NPEPPS: variants seen among roughly 807,000 people sequenced by gnomAD.
NPEPPS encodes puromycin-sensitive aminopeptidase.
Under a neutral mutation model 115.5 loss-of-function variants are expected in NPEPPS, and 14 were observed. The observed-to-expected ratio is 0.12, with a 90% CI of 0.08 to 0.19. NPEPPS has a LOEUF of 0.19. Ranked by LOEUF, NPEPPS falls within the 10% of genes least tolerant of loss-of-function variation. The pLI is 1.00. For missense variants in NPEPPS, 523 were observed against 1,110.8 expected (o/e 0.47, Z 7.52); for synonymous variants, 285 against 390.6 (o/e 0.73, Z 3.19).
Position 47,531,187 on chromosome 17 carries a change from C to T in NPEPPS, c.-114C>T, listed in dbSNP as rs1251862423. The T allele has an allele frequency of 2.2e-6, 3 of 1,388,450 alleles. No homozygotes were observed. The highest frequency in any genetic ancestry group is 3.1e-5 in the Admixed American group (1 of 32,246). The allele number at this position is 1,388,450 out of a possible 1,614,324, so 86.0% of individuals were successfully genotyped here. Reference sequence around the variant, plus strand: ...CCCCCTTCCCCGTAGGCAGCCCGCCCGCCAGTCCGCCCGCACCGCCTCCTT... The same window carrying T: ...CCCCCTTCCCCGTAGGCAGCCCGCCTGCCAGTCCGCCCGCACCGCCTCCTT... On this transcript the variant is annotated 5_prime_UTR_variant, in exon 1 of 23. Coordinates refer to ENST00000322157, the MANE Select transcript of NPEPPS (RefSeq NM_006310.4).
upstream of NPEPPS, among the ~76,000 whole-genome samples, chr17:47,527,553 G>A (rs1170459299): frequency 1.3e-5 from 2 of 151,396 alleles, no homozygotes; most frequent in Non-Finnish European, 2.9e-5. Context: ...TTCAATTACA[G>A]TTAATTAAAT....
At chr17:47,598,881 G>T (rs1379597099) in intron 13 of NPEPPS, among the ~76,000 whole-genome samples, 1 of 152,114 alleles carries the variant, frequency 6.6e-6, no homozygotes, top group Non-Finnish European at 1.5e-5. Context: ...TGGTGCAGTG[G>T]CTCAAACTTA....
chr17:47,605,270 G>C, intron 16 of NPEPPS, 63 bp from the exon 17 acceptor site: 2 of 1,230,080 alleles, frequency 1.6e-6, no homozygotes, highest in South Asian at 2.9e-5. Context: ...TGCCAAAAAT[G>C]CATGCTTATG....
intron 1 of NPEPPS, among the ~76,000 whole-genome samples, chr17:47,540,544 C>A (rs1429675848): frequency 2.0e-5 from 3 of 152,218 alleles, no homozygotes; most frequent in Non-Finnish European, 2.9e-5. Flanking sequence ...TCAGCACATA[C>A]ACTTATGTCC....
intron 1 of NPEPPS, among the ~76,000 whole-genome samples, chr17:47,543,213 A>G (rs1000163592): frequency 2.6e-5 from 4 of 151,920 alleles, no homozygotes; most frequent in African/African-American, 9.7e-5. Context: ...GAAAAACTTA[A>G]TGGCGCGCAC....
At chr17:47,604,324 T>G (rs975948180) in intron 16 of NPEPPS, among the ~76,000 whole-genome samples, 2 of 152,212 alleles carry the variant, frequency 1.3e-5, no homozygotes, top group Non-Finnish European at 2.9e-5. Flanking sequence ...GAAATAAATA[T>G]AAGCCTTGAA....
chr17:47,603,808 T>C, intron 15 of NPEPPS, 107 bp from the exon 16 acceptor site: 1 of 1,028,990 alleles, frequency 9.7e-7, no homozygotes, highest in Non-Finnish European at 1.4e-6. Flanking sequence ...GTCTTAATTG[T>C]TTTTCATCCA....
intron 22 of NPEPPS, 24 bp downstream of exon 22, chr17:47,619,808 TC>T (rs1448054397): frequency 6.3e-7 from 1 of 1,576,826 alleles, no homozygotes; most frequent in Non-Finnish European, 8.7e-7. Flanking sequence ...TGTTTACTCT[TC>T]ACTTTTCAGT....
chr17:47,594,412 CTT>C (rs112592322), intron 12 of NPEPPS, among the ~76,000 whole-genome samples: 83 of 127,954 alleles, frequency 6.5e-4, no homozygotes, highest in East Asian at 8.9e-4. Flanking sequence ...CTTTTCAATT[CTT>C]TTTTTTTTTT....
intron 2 of NPEPPS, among the ~76,000 whole-genome samples, chr17:47,558,969 C>T (rs1197873053): frequency 6.6e-6 from 1 of 150,724 alleles, no homozygotes; most frequent in Non-Finnish European, 1.5e-5. Flanking sequence ...GGGAGGCGGA[C>T]GGAGGTTGCA....
chr17:47,601,511 T>G (rs1913197959), intron 14 of NPEPPS, 97 bp from the exon 15 acceptor site: 1 of 1,322,676 alleles, frequency 7.6e-7, no homozygotes, highest in Non-Finnish European at 1.1e-6. Flanking sequence ...GACTTAACAG[T>G]TTGGCTTAGG....
intron 1 of NPEPPS, among the ~76,000 whole-genome samples, chr17:47,541,192 T>A (rs1322875451): frequency 8.5e-5 from 13 of 152,272 alleles, no homozygotes; most frequent in Admixed American, 3.3e-4. Flanking sequence ...GATTAACTGC[T>A]TGGCTACTGT....
At chr17:47,536,873 A>G (rs888249076) in intron 1 of NPEPPS, among the ~76,000 whole-genome samples, 4 of 151,646 alleles carry the variant, frequency 2.6e-5, no homozygotes, top group African/African-American at 9.7e-5. Context: ...CACCAAGCCC[A>G]GCTAATTTTT....
chr17:47,599,603 C>A, intron 13 of NPEPPS, 73 bp from the exon 14 acceptor site: 1 of 1,172,560 alleles, frequency 8.5e-7, no homozygotes. Context: ...TGTTGTCTCC[C>A]TCCTCTTCAA....
intron 9 of NPEPPS, among the ~76,000 whole-genome samples, 163 bp from the exon 10 acceptor site, chr17:47,590,550 TTCTC>T (rs1258380482): frequency 1.3e-5 from 2 of 152,320 alleles, no homozygotes; most frequent in East Asian, 1.9e-4. Context: ...TCTTTTAGTC[TTCTC>T]TCTTTTTCAG....
intron 19 of NPEPPS, 30 bp from the exon 20 acceptor site, chr17:47,618,320 C>T: frequency 2.1e-6 from 3 of 1,444,350 alleles, no homozygotes; most frequent in Admixed American, 1.7e-5. Context: ...GGAGAGTTAA[C>T]TATTCCTATC....
chr17:47,613,797 G>A, intron 19 of NPEPPS, 72 bp downstream of exon 19: 1 of 1,111,560 alleles, frequency 9.0e-7, no homozygotes, highest in Non-Finnish European at 1.3e-6. Flanking sequence ...CCTCTAAATG[G>A]TTAAAAAAAA....
intron 3 of NPEPPS, among the ~76,000 whole-genome samples, chr17:47,571,868 G>A (rs1055910324): frequency 6.6e-6 from 1 of 152,152 alleles, no homozygotes; most frequent in African/African-American, 2.4e-5. Flanking sequence ...ATAAATTTAT[G>A]TATATAATTT....
intron 3 of NPEPPS, chr17:47,577,154 TA>T: frequency 6.5e-6 from 4 of 612,050 alleles, no homozygotes; most frequent in African/African-American, 1.9e-5. Flanking sequence ...TAAAACCGAG[TA>T]AAAGTGTAAG....
Sources: allele counts gnomAD v4.1 joint callset (sites outside exome capture counted in the v4.1 genomes callset), GRCh38; gene constraint gnomAD v4.1.1; transcripts MANE v1.5; gene names NCBI Gene and HGNC (gene_info 2026-07-23, HGNC 2026-07-21).